Variants in SBF2 observed in about 807,000 individuals in gnomAD.
SBF2 encodes the protein SET binding factor 2, also known as myotubularin-related protein 13.
In SBF2, 112 loss-of-function variants were observed where a neutral mutation model predicts 225.2. The observed-to-expected ratio is 0.50, with a 90% CI of 0.43 to 0.58. The LOEUF (loss-of-function observed/expected upper bound fraction) is 0.58. Among genes scored for constraint, SBF2 ranks in the 20% least tolerant of loss-of-function variants. SBF2 has a pLI of 0.00. For synonymous variants in SBF2, 763 were observed against 773.3 expected (o/e 0.99, Z 0.22); for missense variants, 1,996 against 2,206.2 (o/e 0.90, Z 1.91).
In SBF2 at chr11:9,954,067, C is replaced by A. The variant is rs565371550; in HGVS notation, c.1860+7890G>T. ...AAAAAATACTAAAATATGATCAGTT[C>A]TTTGAAATGAAATGATAGGTAGGAA... On this transcript the variant is annotated intron_variant, in intron 16 of 39. Transcript: ENST00000256190. Among the ~76,000 whole-genome samples, 7 of 152,160 alleles carry A rather than the reference C, an allele frequency of 4.6e-5. No individual in the cohort carries two copies. In the East Asian group the frequency reaches 7.7e-4, roughly 17 times the overall value.
intron 9 of SBF2, among the ~76,000 whole-genome samples, chr11:9,996,086 G>C (rs186659615): frequency 5.9e-5 from 9 of 152,260 alleles, no homozygotes; most frequent in Admixed American, 5.9e-4. Context: ...CAAATTTGGT[G>C]GCACGGGTGT....
At chr11:10,163,615 G>T (rs1955840441) in intron 2 of SBF2, among the ~76,000 whole-genome samples, 1 of 151,994 alleles carries the variant, frequency 6.6e-6, no homozygotes, top group Non-Finnish European at 1.5e-5. Context: ...AACACAAATT[G>T]GATAAGCAAC....
chr11:10,075,794 T>C (rs1951074625), intron 2 of SBF2, among the ~76,000 whole-genome samples: 1 of 152,156 alleles, frequency 6.6e-6, no homozygotes, highest in African/African-American at 2.4e-5. Flanking sequence ...TTTATAGCAG[T>C]GTGAGAACAG....
chr11:10,061,862 CAA>C (rs971839361), intron 2 of SBF2, among the ~76,000 whole-genome samples: 1 of 151,958 alleles, frequency 6.6e-6, no homozygotes, highest in African/African-American at 2.4e-5. Flanking sequence ...TATATGGAAC[CAA>C]AAAAGAGTCT....
At chr11:10,088,574 A>C (rs181010072) in intron 2 of SBF2, among the ~76,000 whole-genome samples, 4 of 152,320 alleles carry the variant, frequency 2.6e-5, no homozygotes, top group African/African-American at 9.6e-5. Flanking sequence ...GGAAGCCAAC[A>C]TGTGCAGAGA....
intron 16 of SBF2, among the ~76,000 whole-genome samples, chr11:9,951,999 G>A (rs1333476027): frequency 1.3e-5 from 2 of 152,152 alleles, no homozygotes; most frequent in African/African-American, 2.4e-5. Context: ...ACTGAAAAAC[G>A]TCAACCTCCA....
chr11:10,066,870 G>A (rs1323070343), intron 2 of SBF2, among the ~76,000 whole-genome samples: 5 of 152,158 alleles, frequency 3.3e-5, no homozygotes, highest in Admixed American at 6.5e-5. Flanking sequence ...GAACAAATAA[G>A]TTTAGCAAGG....
At chr11:10,174,238 A>C (rs1956354106) in intron 2 of SBF2, among the ~76,000 whole-genome samples, 2 of 152,162 alleles carry the variant, frequency 1.3e-5, no homozygotes, top group African/African-American at 4.8e-5. Flanking sequence ...ATTCAAACCA[A>C]AGGCAAAGAA....
intron 2 of SBF2, among the ~76,000 whole-genome samples, chr11:10,137,901 G>A (rs2135124791): frequency 6.6e-6 from 1 of 152,218 alleles, no homozygotes; most frequent in African/African-American, 2.4e-5. Flanking sequence ...TCGGGAGGCT[G>A]AGGCAGGAGA....
intron 2 of SBF2, among the ~76,000 whole-genome samples, chr11:10,116,305 G>A (rs928809176): frequency 4.6e-5 from 7 of 152,148 alleles, no homozygotes; most frequent in Non-Finnish European, 1.0e-4. Flanking sequence ...AGATTATACT[G>A]TGATACTGTT....
At chr11:9,990,879 G>C (rs1215725782) in intron 12 of SBF2, among the ~76,000 whole-genome samples, 1 of 152,194 alleles carries the variant, frequency 6.6e-6, no homozygotes, top group African/African-American at 2.4e-5. Flanking sequence ...AGAGTATGAA[G>C]AACAGAGGAG....
At chr11:10,044,683 T>C (rs1219664907) in intron 2 of SBF2, 1 of 153,516 alleles carries the variant, frequency 6.5e-6, no homozygotes, top group Non-Finnish European at 1.4e-5. Flanking sequence ...CCCACCTTCT[T>C]GTACTTTCTC....
At chr11:10,203,132 G>A (rs551824541) in intron 1 of SBF2, among the ~76,000 whole-genome samples, 1 of 152,116 alleles carries the variant, frequency 6.6e-6, no homozygotes, top group African/African-American at 2.4e-5. Flanking sequence ...TGAAGCAATT[G>A]AGGTGGGAAT....
chr11:10,017,736 A>G (rs1300210769), intron 6 of SBF2, among the ~76,000 whole-genome samples: 1 of 152,206 alleles, frequency 6.6e-6, no homozygotes, highest in East Asian at 1.9e-4. Flanking sequence ...GACATGAATT[A>G]AATATATTTT....
At chr11:10,137,392 T>C (rs1954428010) in intron 2 of SBF2, among the ~76,000 whole-genome samples, 1 of 152,172 alleles carries the variant, frequency 6.6e-6, no homozygotes, top group East Asian at 1.9e-4. Context: ...TTTATTTCCT[T>C]GTTTTGTGGT....
At chr11:10,151,791 C>T (rs1400383900) in intron 2 of SBF2, among the ~76,000 whole-genome samples, 2 of 152,164 alleles carry the variant, frequency 1.3e-5, no homozygotes, top group African/African-American at 2.4e-5. Flanking sequence ...TTTTGCCCAT[C>T]TTCCTCTTTA....
intron 24 of SBF2, among the ~76,000 whole-genome samples, 177 bp downstream of exon 24, chr11:9,845,388 G>A (rs906626081): frequency 2.6e-5 from 4 of 152,182 alleles, no homozygotes; most frequent in African/African-American, 9.7e-5. Context: ...TTTGAAACTT[G>A]CTACATTTAT....
At chr11:9,969,248 C>T (rs956484465) in intron 13 of SBF2, among the ~76,000 whole-genome samples, 1 of 152,190 alleles carries the variant, frequency 6.6e-6, no homozygotes, top group African/African-American at 2.4e-5. Flanking sequence ...TACAACTTGG[C>T]CAGTTTCACA....
intron 38 of SBF2, 49 bp downstream of exon 38, chr11:9,784,296 AGGGACT>A: frequency 7.7e-7 from 1 of 1,295,558 alleles, no homozygotes; most frequent in East Asian, 2.3e-5. Context: ...CATAATAGCC[AGGGACT>A]GGGACTAGCC....
Sources: gnomAD v4.1 joint callset for allele counts (sites outside exome capture counted in the v4.1 genomes callset) on GRCh38, gnomAD v4.1.1 for gene constraint, MANE v1.5 for transcripts, NCBI Gene and HGNC (gene_info 2026-07-23, HGNC 2026-07-21) for gene names.